The following ZNF641 variants were observed in gnomAD, a reference collection of about 807,000 sequenced individuals.
ZNF641 encodes zinc finger protein 641.
In ZNF641, 26 loss-of-function variants were observed where a neutral mutation model predicts 46.2. The ratio of observed to expected loss-of-function variants is 0.56; its 90% CI spans 0.41 to 0.78. The LOEUF is 0.78. Among genes scored for constraint, ZNF641 ranks in the 30% least tolerant of loss-of-function variants. The pLI is 0.00. For synonymous variants in ZNF641, 163 were observed against 187.9 expected, an observed-to-expected ratio of 0.87 and a Z score of 1.09; for missense variants, 469 against 517.8, an observed-to-expected ratio of 0.91 and a Z score of 0.91.
downstream of ZNF641, among the ~76,000 whole-genome samples, chr12:48,336,079 C>T (rs997050881): frequency 6.6e-6 from 1 of 152,090 alleles, no homozygotes; most frequent in African/African-American, 2.4e-5. Context: ...TGAAAAGGTC[C>T]AATTTAGAAA....
rs756380010 is a variant in ZNF641 at position 48,343,497 on chromosome 12, T to C, written c.751A>G (p.Thr251Ala). 1.2e-6 allele frequency: 2 copies of C among 1,613,782 alleles called. No individual in the cohort carries two copies. Among genetic ancestry groups the C allele is most frequent in the South Asian group, 1.1e-5 (1 of 91,064 alleles). ...AACTGTTTCCCACACTGGGGGCATG[T>C]GTGGGGTCTTAACAGGGAATCCATC... ...TEMDSLLRPH[T>A]CPQCGKQFVW... is the part of the protein sequence containing the mutation. Residue 251 changes from threonine (T) to alanine (A), a missense_variant, in exon 6 of 6, where the codon ACA (threonine) becomes GCA (alanine). By Grantham distance (58) the Thr-to-Ala change is moderately conservative. Around this residue, in one of 3 missense-constraint regions of ZNF641, gnomAD observed 346 missense variants for 354.0 expected, o/e 0.98. Transcript: ENST00000547026.
chr12:48,343,319 TC>T lies in ZNF641; in HGVS notation c.928del (p.Glu310SerfsTer65). ...GTTGCATCGGAAATTCTTACCACAC[TC>T]AGAGCACCTGCTGGTCTTGTCATGT... ...HLHDKTSRCS[E>X]CGKNFRCNSH... On this transcript the variant is annotated frameshift_variant, in exon 6 of 6. Coordinates refer to ENST00000547026, the MANE Select transcript of ZNF641 (RefSeq NM_001172681.2). LOFTEE classifies it high-confidence loss of function. 1.9e-6 allele frequency: 3 copies of T among 1,614,184 alleles called. No individual in the cohort carries two copies. The highest frequency in any genetic ancestry group is 2.5e-6 in the Non-Finnish European group (3 of 1,180,030).
rs1432897249 is a variant in ZNF641, at chr12:48,341,594, C to T, written c.*1379G>A. On this transcript the variant is annotated 3_prime_UTR_variant, in exon 6 of 6. Transcript: ENST00000547026. Reference sequence around the variant, plus strand: ...GGGAGAATGAGATCTTCAAGAATAACTCTTGCCCCTTGATGAGGCAGTCAA... The same window carrying T: ...GGGAGAATGAGATCTTCAAGAATAATTCTTGCCCCTTGATGAGGCAGTCAA... 10 of 985,332 alleles carry T rather than the reference C, an allele frequency of 1.0e-5. No individual in the cohort carries two copies. The highest frequency in any genetic ancestry group is 1.2e-5 in the Non-Finnish European group (10 of 829,932). The allele number at this position is 985,332 out of a possible 1,614,324, so 61.0% of individuals were successfully genotyped here.
chr12:48,346,972 C>A (rs1952888948), intron 3 of ZNF641, among the ~76,000 whole-genome samples: 1 of 152,200 alleles, frequency 6.6e-6, no homozygotes, highest in Non-Finnish European at 1.5e-5. Flanking sequence ...GATCATACCA[C>A]TGCACTCCAA....
rs1387404084 is a variant in ZNF641, at chr12:48,338,328, A to C, written c.*4645T>G. ...ACAAAGCAAAACTCAAACAAACAAAAAAATCTGAAAAAGAGTATGAACAAA... is the reference window on the plus strand; with the variant it reads ...ACAAAGCAAAACTCAAACAAACAAACAAATCTGAAAAAGAGTATGAACAAA... On this transcript the variant is annotated 3_prime_UTR_variant, in exon 6 of 6. Coordinates refer to ENST00000547026, the MANE Select transcript of ZNF641 (RefSeq NM_001172681.2). 1 of 152,240 alleles carries C rather than the reference A, an allele frequency of 6.6e-6. No individual in the cohort carries two copies. The highest frequency in any genetic ancestry group is 1.5e-5 in the Non-Finnish European group (1 of 68,044). The allele number at this position is 152,240 out of a possible 1,614,324, so 9.4% of individuals were successfully genotyped here.
At chr12:48,350,730 G>A (rs1026756888) in intron 1 of ZNF641, 56 bp downstream of exon 1, 9 of 764,090 alleles carry the variant, frequency 1.2e-5, no homozygotes, top group Non-Finnish European at 1.4e-5. Flanking sequence ...AGCCGCCCCG[G>A]GAAGCCAGGC....
In ZNF641 at chr12:48,338,103, TA is replaced by T. The variant is rs1338909731; in HGVS notation, c.*4869del. On this transcript the variant is annotated 3_prime_UTR_variant, in exon 6 of 6. Transcript: ENST00000547026. ...CCAAGAATTTGGAGGATGAGAGTGG[TA>T]AGTATGAATTGACCCCTGCTTAGTA... 2 of 152,302 alleles carry T rather than the reference TA, an allele frequency of 1.3e-5. No individual in the cohort carries two copies. The highest frequency in any genetic ancestry group is 4.8e-5 in the African/African-American group (2 of 41,342). The allele number at this position is 152,302 out of a possible 1,614,324, so 9.4% of individuals were successfully genotyped here. A position where few individuals can be genotyped will look rare whatever the true frequency, so the allele number is the denominator to read the frequency against.
intron 1 of ZNF641, 50 bp from the exon 2 acceptor site, chr12:48,348,165 T>C: frequency 1.3e-6 from 2 of 1,587,448 alleles, no homozygotes; most frequent in Non-Finnish European, 1.7e-6. Flanking sequence ...AAAGGAGTGA[T>C]ATTTCTAAGG....
rs1243149809 is a variant in ZNF641, at chr12:48,341,478, C to T, written c.*1495G>A. ...AAGGGTCTTAGTGTGGACACCTTTC[C>T]AGAATTGGAAGGAAAACCAACCAGA... On this transcript the variant is annotated 3_prime_UTR_variant, in exon 6 of 6. Coordinates refer to ENST00000547026, the MANE Select transcript of ZNF641 (RefSeq NM_001172681.2). The T allele has an allele frequency of 1.0e-6, 1 of 985,288 alleles. No individual in the cohort carries two copies. Among genetic ancestry groups the T allele is most frequent in the Non-Finnish European group, 1.2e-6 (1 of 829,940 alleles). 61.0% of individuals were successfully genotyped at this position (985,288 alleles called of 1,614,324 possible). A position where few individuals can be genotyped will look rare whatever the true frequency, so the allele number is the denominator to read the frequency against.
At position 48,350,866 on chromosome 12, in the gene ZNF641, G is replaced by GGGAGCCGGCGGCCGGC. The variant is rs1447280765; in HGVS notation, c.-122_-107dup. ...TCCCCTCCGCCCTCCGCTTGCGTCT[G>GGGAGCCGGCGGCCGGC]GGAGCCGGCGGCCGGCGGAGCCAGC... is the stretch of plus-strand genomic sequence containing the variant. On this transcript the variant is annotated 5_prime_UTR_variant, in exon 1 of 6. Transcript: ENST00000547026. 1 of 985,040 alleles carries GGGAGCCGGCGGCCGGC rather than the reference G, an allele frequency of 1.0e-6. No homozygotes were observed. Among genetic ancestry groups the GGGAGCCGGCGGCCGGC allele is most frequent in the Non-Finnish European group, 1.2e-6 (1 of 829,814 alleles). The allele number at this position is 985,040 out of a possible 1,614,324, so 61.0% of individuals were successfully genotyped here. A position where few individuals can be genotyped will look rare whatever the true frequency, so the allele number is the denominator to read the frequency against.
At position 48,343,220 on chromosome 12, in the gene ZNF641, G is replaced by A; in HGVS notation, c.1028C>T (p.Pro343Leu). 1 of 1,614,210 alleles carries A rather than the reference G, an allele frequency of 6.2e-7. No homozygotes were observed. The highest frequency in any genetic ancestry group is 8.5e-7 in the Non-Finnish European group (1 of 1,180,026). ...GGCACGCTGCCGTTTCCTTGTGCCA[G>A]GGCTCTCTCCAACCTCTTGGCCTTT... The part of the protein sequence containing the change: ...SCKGQEVGES[P>L]GTRKRQRAPP... Residue 343 changes from proline to leucine, a missense_variant, in exon 6 of 6, where the codon CCT becomes CTT. By Grantham distance (98) the Pro-to-Leu change is moderately conservative. This residue lies in a region of ZNF641 where 346 missense variants were observed against 354.0 expected (regional missense o/e 0.98). Coordinates refer to ENST00000547026, the MANE Select transcript of ZNF641 (RefSeq NM_001172681.2).
downstream of ZNF641, among the ~76,000 whole-genome samples, chr12:48,336,544 A>G (rs1015992172): frequency 1.3e-5 from 2 of 152,168 alleles, no homozygotes; most frequent in Non-Finnish European, 1.5e-5. Flanking sequence ...ACTTTCACTC[A>G]ACACAGGCCC....
chr12:48,341,166 CA>C lies in ZNF641; in HGVS notation c.*1806del. 1.0e-6 allele frequency: 1 copy of C among 985,442 alleles called. No homozygotes were observed. Among genetic ancestry groups the C allele is most frequent in the Middle Eastern group, 5.2e-4 (1 of 1,914 alleles). The allele number at this position is 985,442 out of a possible 1,614,324, so 61.0% of individuals were successfully genotyped here. On this transcript the variant is annotated 3_prime_UTR_variant, in exon 6 of 6. Coordinates refer to ENST00000547026, the MANE Select transcript of ZNF641 (RefSeq NM_001172681.2). ...GCTGTGATTCACCCAGTTTTTCCTG[CA>C]AAAGGCACAGTCGCTAAACTAAATT...
At position 48,343,010 on chromosome 12, in the gene ZNF641, G is replaced by T; in HGVS notation, c.1238C>A (p.Pro413His). 1 of 1,614,104 alleles carries T rather than the reference G, an allele frequency of 6.2e-7. No homozygotes were observed. Among genetic ancestry groups the T allele is most frequent in the Non-Finnish European group, 8.5e-7 (1 of 1,179,958 alleles). The change falls in exon 6 of 6, where the codon CCC (proline) becomes CAC (histidine). Residue 413 changes from proline (P) to histidine (H), a missense_variant. Physicochemically the swap from Pro to His is moderately conservative, Grantham distance 77 (BLOSUM62 -2). Around this residue, in one of 3 missense-constraint regions of ZNF641, gnomAD observed 346 missense variants for 354.0 expected, o/e 0.98. Transcript: ENST00000547026. ...RHLLTHQGQSPRNSWDRGTSV... is the reference protein window; with the variant it reads ...RHLLTHQGQSHRNSWDRGTSV... Reference sequence around the variant, plus strand: ...TGTTCCTCTGTCCCAGCTGTTCCGGGGACTTTGTCCCTGGTGGGTGAGCAG... The same window carrying T: ...TGTTCCTCTGTCCCAGCTGTTCCGGTGACTTTGTCCCTGGTGGGTGAGCAG...
Position 48,341,896 on chromosome 12 carries a change from T to C in ZNF641, c.*1077A>G. On this transcript the variant is annotated 3_prime_UTR_variant, in exon 6 of 6. Coordinates refer to ENST00000547026, the MANE Select transcript of ZNF641 (RefSeq NM_001172681.2). ...CTCAACTTAACCTGTCATTTAACCC[T>C]TTCCACTAGTTCTCCCTTAACCAGA... 1 of 985,438 alleles carries C rather than the reference T, an allele frequency of 1.0e-6. No homozygotes were observed. The highest frequency in any genetic ancestry group is 1.1e-4 in the East Asian group (1 of 8,814). 61.0% of individuals were successfully genotyped at this position (985,438 alleles called of 1,614,324 possible).
chr12:48,343,214 G>A lies in ZNF641; in HGVS notation c.1034C>T (p.Thr345Ile). ...TGGTGGGGCACGCTGCCGTTTCCTT[G>A]TGCCAGGGCTCTCTCCAACCTCTTG... Reference protein sequence around the residue: ...KGQEVGESPGTRKRQRAPPVP... With the variant: ...KGQEVGESPGIRKRQRAPPVP... The change falls in exon 6 of 6, where the codon ACA (threonine) becomes ATA (isoleucine). Residue 345 changes from threonine (T) to isoleucine (I), a missense_variant. Thr to Ile is a moderately conservative substitution (Grantham distance 89). Around this residue, in one of 3 missense-constraint regions of ZNF641, gnomAD observed 346 missense variants for 354.0 expected, o/e 0.98. Transcript: ENST00000547026. 1 of 1,614,232 alleles carries A rather than the reference G, an allele frequency of 6.2e-7. No individual in the cohort carries two copies. The highest frequency in any genetic ancestry group is 8.5e-7 in the Non-Finnish European group (1 of 1,180,020).
In ZNF641 at chr12:48,342,315, A is replaced by C; in HGVS notation, c.*658T>G. 1.0e-6 allele frequency: 1 copy of C among 985,758 alleles called. No individual in the cohort carries two copies. Among genetic ancestry groups the C allele is most frequent in the Non-Finnish European group, 1.2e-6 (1 of 830,228 alleles). The allele number at this position is 985,758 out of a possible 1,614,324, so 61.1% of individuals were successfully genotyped here. On this transcript the variant is annotated 3_prime_UTR_variant, in exon 6 of 6. Transcript: ENST00000547026. Reference sequence around the variant, plus strand: ...TACTGCTGATTGGCATAAGGAAGACAGACCCACACATGAACAAGGTCTGGC... The same window carrying C: ...TACTGCTGATTGGCATAAGGAAGACCGACCCACACATGAACAAGGTCTGGC...
rs895392672 is a variant in ZNF641 at position 48,350,913 on chromosome 12, G to A, written c.-153C>T. Reference sequence around the variant, plus strand: ...CAGCGACAGGCGGAGACGGCGGCCCGGCAGGCGCGGGCGGGGCGGGGCGGG... The same window carrying A: ...CAGCGACAGGCGGAGACGGCGGCCCAGCAGGCGCGGGCGGGGCGGGGCGGG... On this transcript the variant is annotated 5_prime_UTR_variant, in exon 1 of 6. Transcript: ENST00000547026. The A allele has an allele frequency of 4.2e-6, 4 of 960,338 alleles. No individual in the cohort carries two copies. In the East Asian group the frequency reaches 4.6e-4, roughly 110 times the overall value. The allele number at this position is 960,338 out of a possible 1,614,324, so 59.5% of individuals were successfully genotyped here.
Position 48,343,859 on chromosome 12 carries a change from T to C in ZNF641, c.521-132A>G, listed in dbSNP as rs1022738859. The C allele has an allele frequency of 8.5e-6, 7 of 818,836 alleles. No homozygotes were observed. The African/African-American group carries it at 1.2e-4, about 14-fold the overall frequency. 50.7% of individuals were successfully genotyped at this position (818,836 alleles called of 1,614,324 possible). ...CCCCAGAAGGGCTGAGAGAACATAG[T>C]CTAATGTCGTACAAGACAGTGCAAT... On this transcript the variant is annotated intron_variant, in intron 5 of 5. Transcript: ENST00000547026.
Sources: gnomAD v4.1 joint callset for allele counts (sites outside exome capture counted in the v4.1 genomes callset) on GRCh38, gnomAD v4.1.1 for gene constraint, gnomAD v4.1.1 regional missense constraint, MANE v1.5 for transcripts, NCBI Gene and HGNC (gene_info 2026-07-23, HGNC 2026-07-21) for gene names.